The following MAD1L1 variants were observed in gnomAD, a reference collection of about 807,000 sequenced individuals.
The protein encoded by MAD1L1 is mitotic spindle assembly checkpoint protein MAD1.
MAD1L1 carries 95 observed loss-of-function variants against 96.9 expected under a neutral mutation model. The observed-to-expected ratio is 0.98, with a 90% CI of 0.83 to 1.16. The LOEUF (loss-of-function observed/expected upper bound fraction) is 1.16, where lower values mean the gene tolerates loss of function less well. Among genes scored for constraint, MAD1L1 ranks in the 50% most tolerant of loss-of-function variants. The probability of loss-of-function intolerance (pLI) is 0.00; values close to 1 mark genes in which losing one functional copy is unlikely to be tolerated. For synonymous variants in MAD1L1, 473 were observed against 396.6 expected (o/e 1.19, Z -2.29); for missense variants, 1,007 against 954.4 (o/e 1.06, Z -0.73).
At chr7:2,225,097 G>C (rs1793814345) in intron 4 of MAD1L1, among the ~76,000 whole-genome samples, 2 of 152,222 alleles carry the variant, frequency 1.3e-5, no homozygotes, top group African/African-American at 4.8e-5. Context: ...CCCTCCTCTA[G>C]GACATCAAGC....
At position 2,018,225 on chromosome 7, in the gene MAD1L1, A is replaced by G. The variant is rs778571534; in HGVS notation, c.1219-3583T>C. Reference sequence around the variant, plus strand: ...CGTAACTAGATGTGTGACCTTGGGAAAAACAAAGAGCCTCTCTGAGTGTGA... The same window carrying G: ...CGTAACTAGATGTGTGACCTTGGGAGAAACAAAGAGCCTCTCTGAGTGTGA... On this transcript the variant is annotated intron_variant, in intron 12 of 18. Transcript: ENST00000265854. Among the ~76,000 whole-genome samples the G allele has an allele frequency of 4.9e-4, 74 of 152,208 alleles. 3 individuals are homozygous for G. The highest frequency in any genetic ancestry group is 2.5e-4 in the Non-Finnish European group (17 of 68,036).
chr7:2,191,077 G>A (rs1000194107), intron 10 of MAD1L1, among the ~76,000 whole-genome samples: 19 of 152,170 alleles, frequency 1.2e-4, no homozygotes, highest in East Asian at 3.8e-4. Flanking sequence ...TGGTATATCC[G>A]TTCGATATAA....
At chr7:2,197,600 C>G (rs986266967) in intron 10 of MAD1L1, among the ~76,000 whole-genome samples, 1 of 152,194 alleles carries the variant, frequency 6.6e-6, no homozygotes, top group Non-Finnish European at 1.5e-5. Flanking sequence ...GGCTGCAGAG[C>G]TCTCTGACCC....
At chr7:2,196,569 G>A (rs887429067) in intron 10 of MAD1L1, among the ~76,000 whole-genome samples, 23 of 152,198 alleles carry the variant, frequency 1.5e-4, no homozygotes, top group African/African-American at 5.1e-4. Context: ...TCACAGCGTC[G>A]CCAGAGCCAG....
intron 18 of MAD1L1, chr7:1,846,504 C>G (rs1783630332): frequency 6.5e-6 from 1 of 153,130 alleles, no homozygotes. Context: ...CCCTCCGGAA[C>G]CGGAGACTAC....
intron 12 of MAD1L1, among the ~76,000 whole-genome samples, chr7:2,021,332 T>A: frequency 6.6e-6 from 1 of 150,678 alleles, no homozygotes; most frequent in African/African-American, 2.4e-5. Flanking sequence ...ACCAAGAGAG[T>A]GAGAAATGCA....
intron 17 of MAD1L1, among the ~76,000 whole-genome samples, chr7:1,933,311 C>G (rs1283322685): frequency 2.6e-5 from 4 of 152,218 alleles, no homozygotes; most frequent in African/African-American, 9.6e-5. Flanking sequence ...AGCTGGGGAA[C>G]TGCCAACGCC....
intron 17 of MAD1L1, among the ~76,000 whole-genome samples, chr7:1,935,900 C>T (rs887596893): frequency 5.9e-5 from 9 of 152,262 alleles, no homozygotes; most frequent in African/African-American, 1.9e-4. Context: ...CGCCGGGCCA[C>T]GCTCCAGGCT....
intron 15 of MAD1L1, among the ~76,000 whole-genome samples, chr7:1,979,009 C>T (rs964713138): frequency 2.6e-5 from 4 of 152,216 alleles, no homozygotes; most frequent in African/African-American, 7.2e-5. Context: ...ATCTAGAAGG[C>T]ATCATAGCTG....
At chr7:2,230,191 C>T in intron 2 of MAD1L1, 48 bp from the exon 3 acceptor site, 1 of 1,501,438 alleles carries the variant, frequency 6.7e-7, no homozygotes, top group East Asian at 2.4e-5. Flanking sequence ...TTTCCACGTG[C>T]CATCAGCCGT....
intron 10 of MAD1L1, among the ~76,000 whole-genome samples, chr7:2,173,627 C>A (rs918647649): frequency 3.9e-5 from 6 of 152,194 alleles, no homozygotes; most frequent in African/African-American, 7.2e-5. Flanking sequence ...CTCGGCACCA[C>A]TTCCTGCTCT....
intron 18 of MAD1L1, among the ~76,000 whole-genome samples, chr7:1,851,627 A>C (rs932707681): frequency 6.6e-6 from 1 of 152,188 alleles, no homozygotes; most frequent in Non-Finnish European, 1.5e-5. Flanking sequence ...GAAGAAAACT[A>C]GAATGGAACA....
intron 18 of MAD1L1, among the ~76,000 whole-genome samples, chr7:1,835,317 G>A (rs1428819677): frequency 6.6e-6 from 1 of 152,214 alleles, no homozygotes; most frequent in Non-Finnish European, 1.5e-5. Context: ...TCCAGCTAGT[G>A]AAATAACACA....
chr7:1,882,397 T>C (rs1785739595), intron 18 of MAD1L1, among the ~76,000 whole-genome samples: 1 of 152,176 alleles, frequency 6.6e-6, no homozygotes, highest in Non-Finnish European at 1.5e-5. Flanking sequence ...AAGCTGTCTG[T>C]GTAGACCTCA....
At chr7:2,139,834 C>T (rs1788938228) in intron 11 of MAD1L1, among the ~76,000 whole-genome samples, 1 of 152,132 alleles carries the variant, frequency 6.6e-6, no homozygotes, top group Admixed American at 6.5e-5. Flanking sequence ...GTGGTTTAGG[C>T]CTGAGATGAT....
intron 17 of MAD1L1, among the ~76,000 whole-genome samples, chr7:1,927,764 G>A (rs1200546203): frequency 6.6e-6 from 1 of 152,128 alleles, no homozygotes; most frequent in Non-Finnish European, 1.5e-5. Context: ...GTTTGGCCTG[G>A]AGTTATGCAG....
Position 2,114,506 on chromosome 7 carries a change from C to T in MAD1L1, c.1073+34646G>A, listed in dbSNP as rs1787557969. 1.3e-5 allele frequency among the ~76,000 whole-genome samples: 2 copies of T among 152,246 alleles called. No individual in the cohort carries two copies. Among genetic ancestry groups the T allele is most frequent in the Non-Finnish European group, 2.9e-5 (2 of 68,048 alleles). ...TGAAAGCCTGGCTGCCGGGATCAATCTTGCGGGTCACCTCCCTGCAGCAAG... is the reference window on the plus strand; with the variant it reads ...TGAAAGCCTGGCTGCCGGGATCAATTTTGCGGGTCACCTCCCTGCAGCAAG... On this transcript the variant is annotated intron_variant, in intron 11 of 18. Transcript: ENST00000265854. The surrounding 1 kb of genome is among the most constrained non-coding windows in gnomAD (Gnocchi z 4.2).
chr7:2,187,174 C>T (rs529279844), intron 10 of MAD1L1, among the ~76,000 whole-genome samples: 1 of 151,980 alleles, frequency 6.6e-6, no homozygotes, highest in East Asian at 2.0e-4. Context: ...ATGACAAAAC[C>T]TCATCTCTAC....
At chr7:2,130,344 C>G (rs200086876) in intron 11 of MAD1L1, among the ~76,000 whole-genome samples, 2 of 152,324 alleles carry the variant, frequency 1.3e-5, no homozygotes, top group East Asian at 3.9e-4. Context: ...GCCCAGAGCT[C>G]TCTCCACGCC....
Sources: allele counts gnomAD v4.1 joint callset (sites outside exome capture counted in the v4.1 genomes callset), GRCh38; gene constraint gnomAD v4.1.1; non-coding constraint Gnocchi (gnomAD v3.1); transcripts MANE v1.5; gene names NCBI Gene and HGNC (gene_info 2026-07-23, HGNC 2026-07-21).